Variants in ZNF710 observed in about 807,000 individuals in gnomAD.
ZNF710 encodes zinc finger protein 710.
In ZNF710, 13 loss-of-function variants were observed where a neutral mutation model predicts 50.6. The observed-to-expected ratio is 0.26, with a 90% CI of 0.17 to 0.41. The LOEUF is 0.41. ZNF710 is among the 10% of genes least tolerant of loss of function. ZNF710 has a pLI of 1.00. For synonymous variants in ZNF710, 383 were observed against 397.0 expected, an observed-to-expected ratio of 0.96 and a Z score of 0.42; for missense variants, 721 against 936.6, an observed-to-expected ratio of 0.77 and a Z score of 3.01.
intron 1 of ZNF710, among the ~76,000 whole-genome samples, chr15:90,030,636 T>G (rs902357892): frequency 6.6e-6 from 1 of 151,804 alleles, no homozygotes; most frequent in Admixed American, 6.6e-5. Flanking sequence ...GGTGGGAATA[T>G]GAAGCCACCT....
chr15:90,005,166 G>C (rs759532248), intron 1 of ZNF710, among the ~76,000 whole-genome samples: 1 of 152,178 alleles, frequency 6.6e-6, no homozygotes, highest in Non-Finnish European at 1.5e-5. Flanking sequence ...GTTCATTGCG[G>C]AGCCCCTGTG....
At chr15:90,008,095 A>C (rs1243901709) in intron 1 of ZNF710, among the ~76,000 whole-genome samples, 1 of 152,108 alleles carries the variant, frequency 6.6e-6, no homozygotes, top group Admixed American at 6.6e-5. Flanking sequence ...ATTGGGGTAG[A>C]TTCTGAAAGG....
chr15:90,037,568 C>T (rs2151492209), intron 1 of ZNF710, among the ~76,000 whole-genome samples: 1 of 152,336 alleles, frequency 6.6e-6, no homozygotes, highest in East Asian at 1.9e-4. Context: ...TGGTGGTACT[C>T]AGAGCTTGGG....
chr15:90,054,272 G>A (rs570053146), intron 1 of ZNF710, among the ~76,000 whole-genome samples: 1 of 152,292 alleles, frequency 6.6e-6, no homozygotes, highest in East Asian at 1.9e-4. Context: ...GGAAACCGAA[G>A]GAGGGGAGGA....
intron 1 of ZNF710, among the ~76,000 whole-genome samples, chr15:90,027,510 T>C (rs1247268696): frequency 3.3e-5 from 5 of 151,490 alleles, no homozygotes; most frequent in African/African-American, 9.7e-5. Context: ...TGCCCAGCCA[T>C]TGATATTTTA....
chr15:90,017,745 G>T (rs1898494493), intron 1 of ZNF710, among the ~76,000 whole-genome samples: 1 of 152,006 alleles, frequency 6.6e-6, no homozygotes, highest in Non-Finnish European at 1.5e-5. Flanking sequence ...TCAGTGCCCA[G>T]TTGTTTGCAG....
chr15:89,998,876 A>G (rs1897964119), upstream of ZNF710, among the ~76,000 whole-genome samples: 1 of 152,226 alleles, frequency 6.6e-6, no homozygotes, highest in Non-Finnish European at 1.5e-5. Flanking sequence ...ATGTCCCGAA[A>G]TTAAGTCGAA....
chr15:90,077,400 C>T (rs1019258088), intron 4 of ZNF710, among the ~76,000 whole-genome samples: 3 of 152,000 alleles, frequency 2.0e-5, no homozygotes, highest in African/African-American at 4.8e-5. Context: ...CCTGCCACCA[C>T]GCCCGGCTAA....
chr15:89,998,468 T>C (rs1297432143), upstream of ZNF710, among the ~76,000 whole-genome samples: 2 of 152,214 alleles, frequency 1.3e-5, no homozygotes, highest in East Asian at 3.8e-4. Flanking sequence ...CTTGATCGGA[T>C]GTGGTGTTCA....
Position 90,079,858 on chromosome 15 carries a change from C to T in ZNF710, c.*29C>T, listed in dbSNP as rs374563244. 1.2e-5 allele frequency: 19 copies of T among 1,563,400 alleles called. No individual in the cohort carries two copies. Among genetic ancestry groups the T allele is most frequent in the African/African-American group, 9.7e-5 (7 of 72,244 alleles). On this transcript the variant is annotated 3_prime_UTR_variant, in exon 5 of 5. Coordinates refer to ENST00000268154, the MANE Select transcript of ZNF710 (RefSeq NM_198526.4). ...AAGCTGGGCCACCCCTAACGGGGGCCGGGGGCGAGGGCATGGGGGTGAGAC... is the reference window on the plus strand; with the variant it reads ...AAGCTGGGCCACCCCTAACGGGGGCTGGGGGCGAGGGCATGGGGGTGAGAC...
intron 1 of ZNF710, among the ~76,000 whole-genome samples, chr15:90,055,051 A>G (rs1899769417): frequency 6.6e-6 from 1 of 152,356 alleles, no homozygotes; most frequent in African/African-American, 2.4e-5. Flanking sequence ...GCAAACAGGC[A>G]AGGTCTCTGC....
At chr15:90,027,056 A>T (rs2151480494) in intron 1 of ZNF710, among the ~76,000 whole-genome samples, 1 of 152,320 alleles carries the variant, frequency 6.6e-6, no homozygotes, top group East Asian at 1.9e-4. Context: ...AAATATTATA[A>T]AGAAAGAGTA....
At chr15:90,009,958 C>CTT (rs1898255534) in intron 1 of ZNF710, among the ~76,000 whole-genome samples, 1 of 152,202 alleles carries the variant, frequency 6.6e-6, no homozygotes, top group Non-Finnish European at 1.5e-5. Flanking sequence ...TCTTACCTGA[C>CTT]TTCTCCATAG....
intron 1 of ZNF710, among the ~76,000 whole-genome samples, chr15:90,026,639 T>G (rs1193854841): frequency 6.6e-6 from 1 of 152,168 alleles, no homozygotes. Flanking sequence ...ATGAAAATGC[T>G]GGGTAGGAAA....
chr15:90,045,563 G>A (rs1458197171), intron 1 of ZNF710, among the ~76,000 whole-genome samples: 1 of 152,168 alleles, frequency 6.6e-6, no homozygotes, highest in African/African-American at 2.4e-5. Flanking sequence ...AGTGGTGGTG[G>A]TGCGTGGCCT....
intron 1 of ZNF710, among the ~76,000 whole-genome samples, chr15:90,023,990 CCTT>C (rs1898698298): frequency 6.6e-6 from 1 of 151,480 alleles, no homozygotes; most frequent in Non-Finnish European, 1.5e-5. Context: ...CAGAGTGAGA[CCTT>C]CAAAAAAAAA....
At chr15:90,055,385 T>A (rs1026825781) in intron 1 of ZNF710, among the ~76,000 whole-genome samples, 1 of 152,090 alleles carries the variant, frequency 6.6e-6, no homozygotes, top group African/African-American at 2.4e-5. Flanking sequence ...AGAACATCGA[T>A]GAAGTCCACG....
intron 4 of ZNF710, among the ~76,000 whole-genome samples, chr15:90,078,049 A>G (rs908843237): frequency 1.3e-5 from 2 of 152,080 alleles, no homozygotes; most frequent in African/African-American, 4.8e-5. Flanking sequence ...CTCTACTAAA[A>G]ATACAAAAAA....
intron 1 of ZNF710, among the ~76,000 whole-genome samples, chr15:90,031,032 A>AAAAAC (rs1555456813): frequency 6.6e-6 from 1 of 150,958 alleles, no homozygotes; most frequent in Non-Finnish European, 1.5e-5. Context: ...AAAAAAGAAA[A>AAAAAC]AAAAAAAAAT....
Sources: gnomAD v4.1 joint callset for allele counts (sites outside exome capture counted in the v4.1 genomes callset) on GRCh38, gnomAD v4.1.1 for gene constraint, MANE v1.5 for transcripts, NCBI Gene and HGNC (gene_info 2026-07-23, HGNC 2026-07-21) for gene names.